Variants in GOLGA8J observed in about 807,000 individuals in gnomAD.
GOLGA8J encodes golgin subfamily A member 8J.
In GOLGA8J, 19 loss-of-function variants were observed where a neutral mutation model predicts 67.7. The observed-to-expected ratio is 0.28, with a 90% CI of 0.20 to 0.41. GOLGA8J has a LOEUF of 0.41. Ranked by LOEUF, GOLGA8J falls within the 10% of genes least tolerant of loss-of-function variation. GOLGA8J has a pLI of 1.00. For synonymous variants in GOLGA8J, 69 were observed against 215.9 expected (o/e 0.32, Z 5.97); for missense variants, 205 against 584.3 (o/e 0.35, Z 6.69).
Position 30,089,532 on chromosome 15 carries a change from G to A in GOLGA8J, c.875-168G>A, listed in dbSNP as rs1015900987. On this transcript the variant is annotated intron_variant, in intron 11 of 18. Coordinates refer to ENST00000567927, the MANE Select transcript of GOLGA8J (RefSeq NM_001282472.2). ...AAAGAGGGCCCATTGTCAGCCACCCGCAGTGCTCTTTCTCTGAAAGTGCTT... is the reference window on the plus strand; with the variant it reads ...AAAGAGGGCCCATTGTCAGCCACCCACAGTGCTCTTTCTCTGAAAGTGCTT... Among the ~76,000 whole-genome samples the A allele has an allele frequency of 2.0e-4, 27 of 137,200 alleles. 4 individuals are homozygous for A. Among genetic ancestry groups the A allele is most frequent in the Admixed American group, 3.4e-4 (5 of 14,518 alleles). 90.0% of individuals were successfully genotyped at this position (137,200 alleles called of 152,430 possible).
chr15:30,088,676 A>G (rs955269220), intron 8 of GOLGA8J, 64 bp from the exon 9 acceptor site: 16 of 1,248,072 alleles, frequency 1.3e-5, no homozygotes, highest in African/African-American at 3.1e-5. Flanking sequence ...TAGCCCTTTT[A>G]AGGGGCACTG....
Position 30,089,955 on chromosome 15 carries a change from C to T in GOLGA8J, c.1130C>T (p.Pro377Leu), listed in dbSNP as rs554951717. 101 of 1,530,014 alleles carry T rather than the reference C, an allele frequency of 6.6e-5. 7 individuals are homozygous for T. The Middle Eastern group carries it at 2.1e-3, about 32-fold the overall frequency. The allele number at this position is 1,530,014 out of a possible 1,614,324, so 94.8% of individuals were successfully genotyped here. A position where few individuals can be genotyped will look rare whatever the true frequency, so the allele number is the denominator to read the frequency against. Residue 377 changes from proline to leucine, a missense_variant and splice_region_variant, in exon 12 of 19, where the codon CCG becomes CTG. By Grantham distance (98) the Pro-to-Leu change is moderately conservative. Coordinates refer to ENST00000567927, the MANE Select transcript of GOLGA8J (RefSeq NM_001282472.2). ...AAGCCACAGAGCGTCTTCAAGGAGC[C>T]GGTGCGTTGCCCAAACTGGGGAGCT... The part of the protein sequence containing the change: ...LAKPQSVFKE[P>L]NNENKNALQL...
chr15:30,089,419 CT>C (rs1246444233), intron 11 of GOLGA8J, 96 bp downstream of exon 11: 1 of 559,852 alleles, frequency 1.8e-6, no homozygotes, highest in Non-Finnish European at 3.1e-6. Flanking sequence ...GATGGAAGGG[CT>C]TTGAGGCAGA....
rs1431038197 is a variant in GOLGA8J, at chr15:30,096,248, G to C, written c.*2749G>C. 6.7e-6 allele frequency among the ~76,000 whole-genome samples: 1 copy of C among 149,396 alleles called. No individual in the cohort carries two copies. The highest frequency in any genetic ancestry group is 2.0e-4 in the East Asian group (1 of 4,964). ...TATAATAATCATTTTAAAAGTATTT[G>C]ATTCAACCTGATAATTTTCCAGAAA... On this transcript the variant is annotated 3_prime_UTR_variant, in exon 19 of 19. Transcript: ENST00000567927.
Position 30,096,264 on chromosome 15 carries a change from T to A in GOLGA8J, c.*2765T>A, listed in dbSNP as rs1212884340. ...AAAGTATTTGATTCAACCTGATAAT[T>A]TTCCAGAAATGAAAAAAAAAAATCA... On this transcript the variant is annotated 3_prime_UTR_variant, in exon 19 of 19. Coordinates refer to ENST00000567927, the MANE Select transcript of GOLGA8J (RefSeq NM_001282472.2). 1.3e-5 allele frequency among the ~76,000 whole-genome samples: 2 copies of A among 150,418 alleles called. No individual in the cohort carries two copies. Among genetic ancestry groups the A allele is most frequent in the Non-Finnish European group, 2.9e-5 (2 of 67,908 alleles).
intron 13 of GOLGA8J, among the ~76,000 whole-genome samples, chr15:30,090,510 T>A (rs1356167776): frequency 6.8e-6 from 1 of 147,440 alleles, no homozygotes; most frequent in African/African-American, 2.6e-5. Flanking sequence ...GCTAGAGGCA[T>A]GGAGCCCCCA....
In GOLGA8J at chr15:30,094,304, A is replaced by G. The variant is rs1595393830; in HGVS notation, c.*805A>G. On this transcript the variant is annotated 3_prime_UTR_variant, in exon 19 of 19. Transcript: ENST00000567927. Reference sequence around the variant, plus strand: ...GCTGCAGCAGTTGTACTCTTTTTCGATGACCTAAAAAGGGCTTATTTCTGA... The same window carrying G: ...GCTGCAGCAGTTGTACTCTTTTTCGGTGACCTAAAAAGGGCTTATTTCTGA... Among the ~76,000 whole-genome samples, 1 of 147,324 alleles carries G rather than the reference A, an allele frequency of 6.8e-6. No homozygotes were observed. Among genetic ancestry groups the G allele is most frequent in the East Asian group, 2.0e-4 (1 of 4,994 alleles).
chr15:30,085,277 C>A (rs1283186076), intron 2 of GOLGA8J, among the ~76,000 whole-genome samples: 1 of 101,624 alleles, frequency 9.8e-6, no homozygotes, highest in Non-Finnish European at 1.7e-5. Context: ...AAGACTCTGT[C>A]TCAAAGAAAA....
chr15:30,091,774 CG>C (rs1197369753), intron 14 of GOLGA8J, 164 bp downstream of exon 14: 13 of 670,872 alleles, frequency 1.9e-5, no homozygotes, highest in South Asian at 9.3e-5. Context: ...CTCCTGTGAG[CG>C]GGGGGTCACC....
Position 30,094,309 on chromosome 15 carries a change from C to G in GOLGA8J, c.*810C>G, listed in dbSNP as rs1394598897. On this transcript the variant is annotated 3_prime_UTR_variant, in exon 19 of 19. Coordinates refer to ENST00000567927, the MANE Select transcript of GOLGA8J (RefSeq NM_001282472.2). ...AGCAGTTGTACTCTTTTTCGATGAC[C>G]TAAAAAGGGCTTATTTCTGAGGAAT... Among the ~76,000 whole-genome samples the G allele has an allele frequency of 2.0e-5, 3 of 147,470 alleles. 1 individual carries two copies. Among genetic ancestry groups the G allele is most frequent in the African/African-American group, 7.8e-5 (3 of 38,230 alleles).
chr15:30,084,620 C>A, intron 1 of GOLGA8J, 151 bp from the exon 2 acceptor site: 6 of 528,402 alleles, frequency 1.1e-5, no homozygotes, highest in Non-Finnish European at 1.7e-5. Flanking sequence ...CAATCCTTCT[C>A]AGTCACTAAA....
At chr15:30,088,503 A>G (rs2057360732) in intron 8 of GOLGA8J, among the ~76,000 whole-genome samples, 1 of 146,614 alleles carries the variant, frequency 6.8e-6, no homozygotes, top group South Asian at 2.3e-4. Flanking sequence ...AACAGTAATA[A>G]CAATAGCAAT....
chr15:30,090,405 C>T (rs1223432711), intron 13 of GOLGA8J, 125 bp downstream of exon 13: 1 of 1,527,688 alleles, frequency 6.5e-7, no homozygotes, highest in East Asian at 2.4e-5. Context: ...ACAGCACCCC[C>T]CAGGGCAGTC....
Position 30,091,998 on chromosome 15 carries a change from C to T in GOLGA8J, c.1277-44C>T, listed in dbSNP as rs748019697. On this transcript the variant is annotated intron_variant, in intron 14 of 18. Coordinates refer to ENST00000567927, the MANE Select transcript of GOLGA8J (RefSeq NM_001282472.2). ...AGGTAGAGGTGGGCCCACAGTACCTCCCTTGTTGGGTTGTCTGAAGACCCG... is the reference window on the plus strand; with the variant it reads ...AGGTAGAGGTGGGCCCACAGTACCTTCCTTGTTGGGTTGTCTGAAGACCCG... 3 of 1,594,460 alleles carry T rather than the reference C, an allele frequency of 1.9e-6. No individual in the cohort carries two copies. The Admixed American group carries it at 5.2e-5, about 28-fold the overall frequency.
Position 30,093,243 on chromosome 15 carries a change from A to T in GOLGA8J, c.1723+4A>T. On this transcript the variant is annotated splice_donor_region_variant and intron_variant, in intron 18 of 18. Coordinates refer to ENST00000567927, the MANE Select transcript of GOLGA8J (RefSeq NM_001282472.2). ...GGGGCTGCAGACAAGCATGGTCGTG[A>T]GTAGAGCCCTCAGGTGGGGTGGGCA... is the stretch of plus-strand genomic sequence containing the variant. 6.3e-7 allele frequency: 1 copy of T among 1,585,754 alleles called. No homozygotes were observed.
In GOLGA8J at chr15:30,094,167, G is replaced by A. The variant is rs1338820504; in HGVS notation, c.*668G>A. Among the ~76,000 whole-genome samples the A allele has an allele frequency of 4.1e-5, 6 of 144,870 alleles. No individual in the cohort carries two copies. Among genetic ancestry groups the A allele is most frequent in the South Asian group, 2.1e-4 (1 of 4,664 alleles). On this transcript the variant is annotated 3_prime_UTR_variant, in exon 19 of 19. Coordinates refer to ENST00000567927, the MANE Select transcript of GOLGA8J (RefSeq NM_001282472.2). Reference sequence around the variant, plus strand: ...GAAAGTGGCCTCCTCTGGCAGGTACGTGCAGGATAGAGTGTGTTTCATCTG... The same window carrying A: ...GAAAGTGGCCTCCTCTGGCAGGTACATGCAGGATAGAGTGTGTTTCATCTG...
rs932335955 is a variant in GOLGA8J at position 30,090,431 on chromosome 15, G to T, written c.1200+151G>T. On this transcript the variant is annotated intron_variant, in intron 13 of 18. Coordinates refer to ENST00000567927, the MANE Select transcript of GOLGA8J (RefSeq NM_001282472.2). ...CAGGGCAGTCCTGTGACTGTTTCTT[G>T]CTTCCTGCCTCTGACTTTTAAAGGT... 1.5e-5 allele frequency: 14 copies of T among 960,544 alleles called. 3 individuals carry two copies. In the African/African-American group the frequency reaches 2.4e-4, roughly 17 times the overall value. The allele number at this position is 960,544 out of a possible 1,614,324, so 59.5% of individuals were successfully genotyped here. A position where few individuals can be genotyped will look rare whatever the true frequency, so the allele number is the denominator to read the frequency against.
Position 30,094,558 on chromosome 15 carries a change from G to T in GOLGA8J, c.*1059G>T, listed in dbSNP as rs567107665. On this transcript the variant is annotated 3_prime_UTR_variant, in exon 19 of 19. Coordinates refer to ENST00000567927, the MANE Select transcript of GOLGA8J (RefSeq NM_001282472.2). ...AAACGTTCCTGGAACAGGCATACAG[G>T]CTCTAGTCAAGAATGAATTAGAGTG... 7.9e-6 allele frequency among the ~76,000 whole-genome samples: 1 copy of T among 126,398 alleles called. No individual in the cohort carries two copies. The highest frequency in any genetic ancestry group is 2.3e-4 in the South Asian group (1 of 4,260). The allele number at this position is 126,398 out of a possible 152,430, so 82.9% of individuals were successfully genotyped here.
chr15:30,090,020 C>T (rs2057381317), intron 12 of GOLGA8J, 64 bp downstream of exon 12: 1 of 1,426,422 alleles, frequency 7.0e-7, no homozygotes, highest in African/African-American at 2.4e-5. Flanking sequence ...GTTTCCCCAC[C>T]TCTAAAATGG....
Sources: gnomAD v4.1 joint callset for allele counts (sites outside exome capture counted in the v4.1 genomes callset) on GRCh38, gnomAD v4.1.1 for gene constraint, MANE v1.5 for transcripts, NCBI Gene and HGNC (gene_info 2026-07-23, HGNC 2026-07-21) for gene names.